Variants in DLGAP4 observed in about 807,000 individuals in gnomAD.
DLGAP4 encodes the protein disks large-associated protein 4.
DLGAP4 carries 18 observed loss-of-function variants against 86.9 expected under a neutral mutation model. The observed-to-expected ratio is 0.21, with a 90% CI of 0.14 to 0.31. The LOEUF (loss-of-function observed/expected upper bound fraction) is 0.31. Among genes scored for constraint, DLGAP4 ranks in the 10% least tolerant of loss-of-function variants. The pLI is 1.00. For synonymous variants in DLGAP4, 548 were observed against 574.3 expected, an observed-to-expected ratio of 0.95 and a Z score of 0.65; for missense variants, 1,085 against 1,362.6, an observed-to-expected ratio of 0.80 and a Z score of 3.21.
At chr20:36,430,948 CTG>C (rs2033111885) in intron 2 of DLGAP4, among the ~76,000 whole-genome samples, 12 of 112,778 alleles carry the variant, frequency 1.1e-4, no homozygotes, top group Non-Finnish European at 1.9e-5. Context: ...GAGTGAGACT[CTG>C]TCTCTAAAAA....
Position 36,526,789 on chromosome 20 carries a change from TCTCTC to T in DLGAP4, c.2761-20_2761-16del, listed in dbSNP as rs1383359217. On this transcript the variant is annotated intron_variant, in intron 12 of 12. Transcript: ENST00000339266. ...CGTGGCACCTTTATTTTATTTTTGT[TCTCTC>T]CTCACTGTCTCACTAAAGGAAGAGA... 13 of 1,552,562 alleles carry T rather than the reference TCTCTC, an allele frequency of 8.4e-6. No homozygotes were observed. Among genetic ancestry groups the T allele is most frequent in the Non-Finnish European group, 1.1e-5 (13 of 1,149,918 alleles).
chr20:36,485,516 T>A (rs1393828807), intron 7 of DLGAP4, among the ~76,000 whole-genome samples: 1 of 152,178 alleles, frequency 6.6e-6, no homozygotes, highest in Non-Finnish European at 1.5e-5. Flanking sequence ...GTGACCCCCG[T>A]TCAGGGACAA....
Position 36,496,819 on chromosome 20 carries a change from C to A in DLGAP4, c.1763C>A (p.Thr588Asn). Reference sequence around the variant, plus strand: ...AGCAGTACTGAGTCTGCCCAGGACACCTACCTGGACAGCCAGGACCACAAG... The same window carrying A: ...AGCAGTACTGAGTCTGCCCAGGACAACTACCTGGACAGCCAGGACCACAAG... ...VQSSTESAQD[T>N]YLDSQDHKSE... is the part of the protein sequence containing the mutation. The change falls in exon 8 of 13, where the codon ACC (threonine) becomes AAC (asparagine). Residue 588 changes from threonine (T) to asparagine (N), a missense_variant. This residue lies in a region of DLGAP4 where 1,082 missense variants were observed against 1,344.1 expected (regional missense o/e 0.81). Coordinates refer to ENST00000339266, the MANE Select transcript of DLGAP4 (RefSeq NM_001365621.2). The A allele has an allele frequency of 6.2e-7, 1 of 1,614,238 alleles. No homozygotes were observed. The highest frequency in any genetic ancestry group is 8.5e-7 in the Non-Finnish European group (1 of 1,180,042).
intron 3 of DLGAP4, among the ~76,000 whole-genome samples, chr20:36,433,525 G>A (rs2033184681): frequency 6.6e-6 from 1 of 152,218 alleles, no homozygotes. Context: ...GCCAGGCTGT[G>A]GGTGGAAATT....
At position 36,478,736 on chromosome 20, in the gene DLGAP4, T is replaced by C. The variant is rs573964436; in HGVS notation, c.1649-17969T>C. Among the ~76,000 whole-genome samples the C allele has an allele frequency of 8.1e-4, 123 of 152,312 alleles. 1 individual carries two copies. The highest frequency in any genetic ancestry group is 6.2e-3 in the South Asian group (30 of 4,826). ...GCTGGATCCTGTGAAGGTTGCATTC[T>C]GGAAGTTGAAACCTGTAGGGTTTGT... On this transcript the variant is annotated intron_variant, in intron 7 of 12. Transcript: ENST00000339266.
intron 1 of DLGAP4, among the ~76,000 whole-genome samples, chr20:36,331,569 A>G (rs540450115): frequency 1.3e-5 from 2 of 152,218 alleles, no homozygotes; most frequent in East Asian, 1.9e-4. Context: ...GGGGCCAGAG[A>G]AGGGAGTTCC....
chr20:36,484,858 T>C (rs1402029996), intron 7 of DLGAP4, among the ~76,000 whole-genome samples: 1 of 152,232 alleles, frequency 6.6e-6, no homozygotes, highest in Non-Finnish European at 1.5e-5. Flanking sequence ...CTGCATTGTA[T>C]TTCTTAAAAT....
chr20:36,520,253 T>G (rs1307055815), intron 10 of DLGAP4, among the ~76,000 whole-genome samples: 1 of 152,198 alleles, frequency 6.6e-6, no homozygotes, highest in Non-Finnish European at 1.5e-5. Context: ...TGTAGGGAAT[T>G]CTTATATATA....
Position 36,500,231 on chromosome 20 carries a change from G to A in DLGAP4, c.2132G>A (p.Arg711Gln), listed in dbSNP as rs746397598. 16 of 1,371,800 alleles carry A rather than the reference G, an allele frequency of 1.2e-5. No homozygotes were observed. The highest frequency in any genetic ancestry group is 3.3e-5 in the African/African-American group (2 of 61,092). 85.0% of individuals were successfully genotyped at this position (1,371,800 alleles called of 1,614,324 possible). Residue 711 changes from arginine (R) to glutamine (Q), a missense_variant, in exon 10 of 13, where the codon CGA becomes CAA. Physicochemically the swap from Arg to Gln is conservative, Grantham distance 43 (BLOSUM62 1). Around this residue, in one of 2 missense-constraint regions of DLGAP4, gnomAD observed 1,082 missense variants for 1,344.1 expected, o/e 0.81. Coordinates refer to ENST00000339266, the MANE Select transcript of DLGAP4 (RefSeq NM_001365621.2). This position sits in a 1 kb window ranked among gnomAD's most constrained non-coding sequence, Gnocchi z 4.6. The stretch of plus-strand genomic sequence containing the variant: ...GTCCCCTCTCACAGTATGTCCTCCC[G>A]ACGGGACACAGACTCGGATACCCAG... Reference protein sequence around the residue: ...SSVPSHSMSSRRDTDSDTQDA... With the variant: ...SSVPSHSMSSQRDTDSDTQDA...
intron 10 of DLGAP4, among the ~76,000 whole-genome samples, chr20:36,506,367 G>C (rs1450593851): frequency 6.6e-6 from 1 of 152,186 alleles, no homozygotes; most frequent in African/African-American, 2.4e-5. Context: ...TGTCTACCTG[G>C]GAGGGAAGAG....
intron 7 of DLGAP4, among the ~76,000 whole-genome samples, chr20:36,485,594 C>T (rs1243009759): frequency 1.3e-5 from 2 of 152,096 alleles, no homozygotes; most frequent in African/African-American, 4.8e-5. Context: ...GAGTACACAG[C>T]CCACCATGGC....
Position 36,308,607 on chromosome 20 carries a change from A to G in DLGAP4, c.-304+2095A>G, listed in dbSNP as rs1413941154. Among the ~76,000 whole-genome samples the G allele has an allele frequency of 6.6e-6, 1 of 152,134 alleles. No homozygotes were observed. The highest frequency in any genetic ancestry group is 1.5e-5 in the Non-Finnish European group (1 of 68,022). On this transcript the variant is annotated intron_variant, in intron 1 of 12. Transcript: ENST00000339266. This position sits in a 1 kb window ranked among gnomAD's most constrained non-coding sequence, Gnocchi z 4.5. ...CGGGAGACGCTGACGTATCGGATGT[A>G]TCGGGGCACCCACTGACATCTCATT...
At chr20:36,346,438 G>A (rs11905269) in intron 1 of DLGAP4, among the ~76,000 whole-genome samples, 6,667 of 152,290 alleles carry the variant, frequency 0.044, 505 homozygotes, top group African/African-American at 0.15. Context: ...TCCTGGAAGC[G>A]GTGGGTTTCA....
In DLGAP4 at chr20:36,332,353, G is replaced by T. The variant is rs540564172; in HGVS notation, c.-304+25841G>T. ...GACACCTGCAGACTTTCCCTGTCCCGCCCGTTCCGTTTTTTGTTTTTTTTG... is the reference window on the plus strand; with the variant it reads ...GACACCTGCAGACTTTCCCTGTCCCTCCCGTTCCGTTTTTTGTTTTTTTTG... On this transcript the variant is annotated intron_variant, in intron 1 of 12. Coordinates refer to ENST00000339266, the MANE Select transcript of DLGAP4 (RefSeq NM_001365621.2). Among the ~76,000 whole-genome samples the T allele has an allele frequency of 2.0e-5, 3 of 151,728 alleles. No individual in the cohort carries two copies. The South Asian group carries it at 6.3e-4, about 32-fold the overall frequency.
intron 7 of DLGAP4, chr20:36,461,759 G>GCCCA: frequency 2.1e-5 from 6 of 286,376 alleles, no homozygotes; most frequent in Non-Finnish European, 2.6e-5. Flanking sequence ...CCGCCCGCCC[G>GCCCA]CCCGCCCGCC....
intron 7 of DLGAP4, among the ~76,000 whole-genome samples, chr20:36,468,804 G>A (rs1483394192): frequency 1.3e-5 from 2 of 152,240 alleles, no homozygotes; most frequent in Non-Finnish European, 2.9e-5. Flanking sequence ...GGTGGCCTGA[G>A]AAATGCTATT....
intron 1 of DLGAP4, among the ~76,000 whole-genome samples, chr20:36,351,239 T>C (rs1299071380): frequency 1.3e-5 from 2 of 152,194 alleles, no homozygotes; most frequent in East Asian, 1.9e-4. Flanking sequence ...CATCCGTACT[T>C]ATAAATGGCA....
chr20:36,463,853 G>A (rs530611109), intron 7 of DLGAP4, among the ~76,000 whole-genome samples: 1 of 152,174 alleles, frequency 6.6e-6, no homozygotes, highest in Non-Finnish European at 1.5e-5. Flanking sequence ...TAGAACTTTG[G>A]TGCAGGGAAT....
In DLGAP4 at chr20:36,500,196, C is replaced by T; in HGVS notation, c.2100-3C>T. The T allele has an allele frequency of 6.6e-7, 1 of 1,518,488 alleles. No individual in the cohort carries two copies. Among genetic ancestry groups the T allele is most frequent in the Non-Finnish European group, 8.8e-7 (1 of 1,131,306 alleles). The allele number at this position is 1,518,488 out of a possible 1,614,324, so 94.1% of individuals were successfully genotyped here. The stretch of plus-strand genomic sequence containing the variant: ...CCCCACCCCATCCACCCCCTACCCA[C>T]AGAAGCAGCGTCCCCTCTCACAGTA... On this transcript the variant is annotated splice_polypyrimidine_tract_variant and splice_region_variant and intron_variant, in intron 9 of 12. Coordinates refer to ENST00000339266, the MANE Select transcript of DLGAP4 (RefSeq NM_001365621.2). The surrounding 1 kb of genome is among the most constrained non-coding windows in gnomAD (Gnocchi z 4.6).
Sources: allele counts gnomAD v4.1 joint callset (sites outside exome capture counted in the v4.1 genomes callset), GRCh38; gene constraint gnomAD v4.1.1; regional missense constraint gnomAD v4.1.1; non-coding constraint Gnocchi (gnomAD v3.1); transcripts MANE v1.5; gene names NCBI Gene and HGNC (gene_info 2026-07-23, HGNC 2026-07-21).